Variants in SCGB2B2 observed in about 807,000 individuals in gnomAD.
SCGB2B2 encodes the protein secretoglobin family 2B member 2.
SCGB2B2 carries 11 observed loss-of-function variants against 7.6 expected under a neutral mutation model. That is an observed-to-expected ratio of 1.45 (90% CI 0.91 to 2.40). The LOEUF (loss-of-function observed/expected upper bound fraction) is 2.40. Among genes scored for constraint, SCGB2B2 ranks in the 30% most tolerant of loss-of-function variants. The pLI, the probability that SCGB2B2 is intolerant of heterozygous loss-of-function variation, is 0.00. For missense variants in SCGB2B2, 104 were observed against 115.4 expected, an observed-to-expected ratio of 0.90 and a Z score of 0.45; for synonymous variants, 50 against 48.6, an observed-to-expected ratio of 1.03 and a Z score of -0.12.
In SCGB2B2 at chr19:34,628,521, A is replaced by G. The variant is rs908454305; in HGVS notation, c.-2031-31927T>C. ...ACAATAAACTAGCAAATCTAGAAGA[A>G]ATGGATAAATTCCTGGACACATACA... On this transcript the variant is annotated intron_variant, in intron 1 of 3. Coordinates refer to ENST00000601241, the MANE Select transcript of SCGB2B2 (RefSeq NM_001025591.4). Among the ~76,000 whole-genome samples the G allele has an allele frequency of 3.3e-5, 5 of 152,020 alleles. 1 individual carries two copies. The highest frequency in any genetic ancestry group is 4.8e-5 in the African/African-American group (2 of 41,446).
chr19:34,627,786 A>G (rs112984007), intron 1 of SCGB2B2, among the ~76,000 whole-genome samples: 4,007 of 152,310 alleles, frequency 0.026, 184 homozygotes, highest in African/African-American at 0.09. Flanking sequence ...AGACATCTAC[A>G]GAACTCTCCA....
chr19:34,610,768 G>T (rs1249259793), intron 1 of SCGB2B2, among the ~76,000 whole-genome samples: 5 of 139,704 alleles, frequency 3.6e-5, no homozygotes, highest in Non-Finnish European at 4.6e-5. Context: ...TTGGCCTATA[G>T]TTTTTTTTTT....
rs560687238 is a variant in SCGB2B2, at chr19:34,636,251, A to G, written c.-2032+39379T>C. ...GCAGCCCTATCACAGTGTGTGTCTTACAAATGCAGGAACAAGTACACAGGA... is the reference window on the plus strand; with the variant it reads ...GCAGCCCTATCACAGTGTGTGTCTTGCAAATGCAGGAACAAGTACACAGGA... On this transcript the variant is annotated intron_variant, in intron 1 of 3. Coordinates refer to ENST00000601241, the MANE Select transcript of SCGB2B2 (RefSeq NM_001025591.4). Among the ~76,000 whole-genome samples, 7 of 152,346 alleles carry G rather than the reference A, an allele frequency of 4.6e-5. No individual in the cohort carries two copies. The South Asian group carries it at 1.5e-3, about 32-fold the overall frequency.
At chr19:34,640,206 A>AT (rs551929527) in intron 1 of SCGB2B2, among the ~76,000 whole-genome samples, 227 of 152,190 alleles carry the variant, frequency 1.5e-3, no homozygotes, top group African/African-American at 5.2e-3. Context: ...GACTCAAGGG[A>AT]TCCCCCCACC....
intron 1 of SCGB2B2, chr19:34,633,074 C>T (rs1269438130): frequency 6.6e-6 from 1 of 152,292 alleles, no homozygotes; most frequent in African/African-American, 2.4e-5. Flanking sequence ...CATGGAAACC[C>T]CAATAAAGGC....
rs1413638738 is a variant in SCGB2B2 at position 34,676,670 on chromosome 19, C to T, written c.-3072G>A. The T allele has an allele frequency of 6.6e-6, 1 of 152,166 alleles. No homozygotes were observed. Among genetic ancestry groups the T allele is most frequent in the Non-Finnish European group, 1.5e-5 (1 of 68,048 alleles). The allele number at this position is 152,166 out of a possible 1,614,324, so 9.4% of individuals were successfully genotyped here. On this transcript the variant is annotated 5_prime_UTR_variant, in exon 1 of 4. Coordinates refer to ENST00000601241, the MANE Select transcript of SCGB2B2 (RefSeq NM_001025591.4). ...ACTCTCTCTTGGGGTCGGATCCGGACCCCTTTCTGGTAACAGAAGCACTGC... is the reference window on the plus strand; with the variant it reads ...ACTCTCTCTTGGGGTCGGATCCGGATCCCTTTCTGGTAACAGAAGCACTGC...
At chr19:34,672,247 T>A (rs1484579643) in intron 1 of SCGB2B2, among the ~76,000 whole-genome samples, 1 of 151,414 alleles carries the variant, frequency 6.6e-6, no homozygotes, top group African/African-American at 2.4e-5. Flanking sequence ...TTTTGCTAGA[T>A]CCACAGAGTT....
At chr19:34,618,085 C>G (rs145597213) in intron 1 of SCGB2B2, among the ~76,000 whole-genome samples, 525 of 152,332 alleles carry the variant, frequency 3.4e-3, no homozygotes, top group African/African-American at 0.011. Context: ...GCAGAAATCA[C>G]TCGTCTTCTG....
At chr19:34,613,716 A>ATAAG (rs1448729873) in intron 1 of SCGB2B2, among the ~76,000 whole-genome samples, 5 of 152,158 alleles carry the variant, frequency 3.3e-5, no homozygotes, top group Admixed American at 3.3e-4. Flanking sequence ...TGCCCCACCC[A>ATAAG]TAAGTTTTAC....
intron 1 of SCGB2B2, among the ~76,000 whole-genome samples, chr19:34,642,465 C>T (rs573722271): frequency 6.6e-5 from 10 of 152,010 alleles, no homozygotes; most frequent in Non-Finnish European, 1.2e-4. Context: ...CCTGTAAGCC[C>T]AGCACTTTGG....
At chr19:34,648,439 G>A (rs1350884182) in intron 1 of SCGB2B2, among the ~76,000 whole-genome samples, 1 of 152,166 alleles carries the variant, frequency 6.6e-6, no homozygotes, top group African/African-American at 2.4e-5. Context: ...CTCTGAGGAT[G>A]CAAAAGCATT....
chr19:34,644,350 G>GT (rs76842372), intron 1 of SCGB2B2, among the ~76,000 whole-genome samples: 11,477 of 120,506 alleles, frequency 0.095, 976 homozygotes, highest in African/African-American at 0.24. Context: ...TTGTTTTTTT[G>GT]TTTTTTTTTT....
At position 34,591,652 on chromosome 19, in the gene SCGB2B2, C is replaced by T. The variant is rs865858101; in HGVS notation, c.*1903G>A. Among the ~76,000 whole-genome samples, 41 of 152,204 alleles carry T rather than the reference C, an allele frequency of 2.7e-4. No homozygotes were observed. The highest frequency in any genetic ancestry group is 9.7e-4 in the African/African-American group (40 of 41,444). ...CTGACGTGACCTCCTTCCCTGCTGCCCCTTGTTCCAGCTGCACTGGCCATT... is the reference window on the plus strand; with the variant it reads ...CTGACGTGACCTCCTTCCCTGCTGCTCCTTGTTCCAGCTGCACTGGCCATT... On this transcript the variant is annotated 3_prime_UTR_variant, in exon 4 of 4. Coordinates refer to ENST00000601241, the MANE Select transcript of SCGB2B2 (RefSeq NM_001025591.4).
intron 2 of SCGB2B2, 55 bp downstream of exon 2, chr19:34,594,448 A>G: frequency 5.6e-6 from 9 of 1,602,320 alleles, no homozygotes; most frequent in Non-Finnish European, 7.7e-6. Context: ...GATGGTGATG[A>G]GAGTGAAGGA....
At chr19:34,599,808 C>G (rs1031692314) in intron 1 of SCGB2B2, among the ~76,000 whole-genome samples, 1 of 152,102 alleles carries the variant, frequency 6.6e-6, no homozygotes, top group Non-Finnish European at 1.5e-5. Context: ...CTCCATTTCT[C>G]CCCTTCTTCA....
intron 1 of SCGB2B2, among the ~76,000 whole-genome samples, chr19:34,624,926 A>G (rs1275823879): frequency 6.6e-6 from 1 of 152,194 alleles, no homozygotes; most frequent in African/African-American, 2.4e-5. Context: ...TTGATCTTAC[A>G]AGAAAAAAAC....
At chr19:34,594,408 C>T (rs201214108) in intron 2 of SCGB2B2, 49 bp from the exon 3 acceptor site, 30 of 1,601,880 alleles carry the variant, frequency 1.9e-5, no homozygotes, top group African/African-American at 2.7e-5. Flanking sequence ...CAGAATTCAG[C>T]GAAACCTCCC....
chr19:34,644,780 C>T (rs954551800), intron 1 of SCGB2B2, among the ~76,000 whole-genome samples: 1 of 152,184 alleles, frequency 6.6e-6, no homozygotes, highest in Non-Finnish European at 1.5e-5. Context: ...CTGACGGACA[C>T]TTAGGACATT....
At chr19:34,601,242 T>C (rs2065615546) in intron 1 of SCGB2B2, among the ~76,000 whole-genome samples, 1 of 152,242 alleles carries the variant, frequency 6.6e-6, no homozygotes, top group Non-Finnish European at 1.5e-5. Flanking sequence ...GTCTCACTAG[T>C]CTGTTTGTCT....
Sources: gnomAD v4.1 joint callset for allele counts (sites outside exome capture counted in the v4.1 genomes callset) on GRCh38, gnomAD v4.1.1 for gene constraint, MANE v1.5 for transcripts, NCBI Gene and HGNC (gene_info 2026-07-23, HGNC 2026-07-21) for gene names.